The following ERI1 variants were observed in gnomAD, a reference collection of about 807,000 sequenced individuals.
ERI1 encodes the protein exoribonuclease 1.
ERI1 carries 39 observed loss-of-function variants against 39.7 expected under a neutral mutation model. The observed-to-expected ratio is 0.98, with a 90% CI of 0.76 to 1.28. The LOEUF (loss-of-function observed/expected upper bound fraction) is 1.28. ERI1 is among the 50% of genes most tolerant of loss of function. The pLI is 0.00. For missense variants in ERI1, 581 were observed against 416.9 expected, an observed-to-expected ratio of 1.39 and a Z score of -3.43; for synonymous variants, 204 against 149.6, an observed-to-expected ratio of 1.36 and a Z score of -2.65.
intron 3 of ERI1, among the ~76,000 whole-genome samples, chr8:9,054,087 T>G (rs1798437125): frequency 6.6e-6 from 1 of 152,228 alleles, no homozygotes; most frequent in Non-Finnish European, 1.5e-5. Context: ...TTGTGATTTA[T>G]TCTGCTGAAA....
In ERI1 at chr8:9,017,532, G is replaced by A. The variant is rs182102910; in HGVS notation, c.583-765G>A. Among the ~76,000 whole-genome samples the A allele has an allele frequency of 8.5e-5, 13 of 152,296 alleles. No individual in the cohort carries two copies. In the East Asian group the frequency reaches 2.5e-3, roughly 29 times the overall value. The stretch of plus-strand genomic sequence containing the variant: ...TGGTCACAGTAGGCCTAATAAGTCA[G>A]TGTTTTATTGCGGTGTTGTGGACAT... On this transcript the variant is annotated intron_variant, in intron 4 of 6. Transcript: ENST00000250263.
chr8:9,019,745 G>C (rs1167481902), intron 5 of ERI1, among the ~76,000 whole-genome samples: 1 of 152,142 alleles, frequency 6.6e-6, no homozygotes, highest in Non-Finnish European at 1.5e-5. Context: ...ATTATATCCT[G>C]TTCCCAGTAT....
chr8:9,022,540 C>T (rs755701673), intron 6 of ERI1, among the ~76,000 whole-genome samples: 4 of 152,200 alleles, frequency 2.6e-5, no homozygotes, highest in Admixed American at 6.5e-5. Context: ...GCTGGGACTA[C>T]GGGCGCCCAC....
At chr8:9,078,007 T>A (rs1371834496) in intron 3 of ERI1, among the ~76,000 whole-genome samples, 1 of 152,200 alleles carries the variant, frequency 6.6e-6, no homozygotes, top group Non-Finnish European at 1.5e-5. Context: ...CTTTTTCTTT[T>A]GAGACAGAGT....
chr8:9,083,166 G>A (rs533149067), intron 3 of ERI1, among the ~76,000 whole-genome samples: 26 of 152,262 alleles, frequency 1.7e-4, no homozygotes, highest in African/African-American at 6.3e-4. Context: ...TGTAACAAGT[G>A]GTCACTGTGC....
At chr8:9,095,728 C>CCA (rs1799856022) in intron 3 of ERI1, among the ~76,000 whole-genome samples, 1 of 151,994 alleles carries the variant, frequency 6.6e-6, no homozygotes, top group Non-Finnish European at 1.5e-5. Context: ...ACCATGTTGC[C>CCA]CACGCTGGCC....
At chr8:9,054,428 C>T (rs915079521) in intron 3 of ERI1, among the ~76,000 whole-genome samples, 8 of 152,082 alleles carry the variant, frequency 5.3e-5, no homozygotes, top group Non-Finnish European at 1.0e-4. Context: ...AGGATTGTAG[C>T]GACAGAAAGG....
rs1436129685 is a variant in ERI1, at chr8:9,030,734, CT to C, written c.*705del. On this transcript the variant is annotated 3_prime_UTR_variant, in exon 7 of 7. Transcript: ENST00000250263. ...TTCATAATACATAAATCACTGGGGT[CT>C]TTTTGGATTTGGTTGTTTGATTCGC... The C allele has an allele frequency of 6.6e-6, 1 of 152,000 alleles. No homozygotes were observed. The highest frequency in any genetic ancestry group is 1.5e-5 in the Non-Finnish European group (1 of 67,978). 9.4% of individuals were successfully genotyped at this position (152,000 alleles called of 1,614,324 possible).
chr8:9,012,329 C>A (rs2117205801), intron 3 of ERI1, among the ~76,000 whole-genome samples: 1 of 152,306 alleles, frequency 6.6e-6, no homozygotes. Context: ...CTTGTCAGTG[C>A]TTTATTAGTT....
At chr8:9,009,647 C>T (rs533695218) in intron 2 of ERI1, among the ~76,000 whole-genome samples, 12 of 152,190 alleles carry the variant, frequency 7.9e-5, no homozygotes, top group African/African-American at 2.9e-4. Flanking sequence ...TCAAGCGATT[C>T]TCGTGCCTCA....
chr8:9,018,386 A>G lies in ERI1; in HGVS notation c.672A>G (p.Lys224=). The change falls in exon 5 of 7, where the codon AAA becomes AAG. Residue 224 remains lysine (K), a synonymous_variant. Transcript: ENST00000250263. ...TGAAGGAATTAGGAACAAAGTATAA[A>G]TACTCACTTTTAACAGATGGGTAAG... ...MKLKELGTKY[K]YSLLTDGSWD... is the part of the protein sequence containing the mutation. 1 of 1,590,310 alleles carries G rather than the reference A, an allele frequency of 6.3e-7. No individual in the cohort carries two copies. Among genetic ancestry groups the G allele is most frequent in the Non-Finnish European group, 8.6e-7 (1 of 1,158,960 alleles).
chr8:9,014,434 G>C (rs1817012775), intron 3 of ERI1, among the ~76,000 whole-genome samples: 1 of 152,040 alleles, frequency 6.6e-6, no homozygotes, highest in Non-Finnish European at 1.5e-5. Context: ...ACTTTCCTTT[G>C]CTTGCTCAAG....
chr8:9,065,875 G>A (rs1798858149), intron 3 of ERI1, among the ~76,000 whole-genome samples: 2 of 152,258 alleles, frequency 1.3e-5, no homozygotes, highest in Admixed American at 6.5e-5. Flanking sequence ...GTGGTTTTGG[G>A]TGGGTGGTGG....
chr8:9,023,380 C>G (rs563205434), intron 6 of ERI1, among the ~76,000 whole-genome samples: 1 of 151,830 alleles, frequency 6.6e-6, no homozygotes, highest in African/African-American at 2.4e-5. Context: ...GCTACAACTC[C>G]CAGATGGAAT....
chr8:9,028,997 T>A (rs66958916), intron 6 of ERI1, among the ~76,000 whole-genome samples: 160 of 139,324 alleles, frequency 1.1e-3, no homozygotes, highest in African/African-American at 4.2e-3. Flanking sequence ...TTTTTTTTTT[T>A]AACTTATCAA....
Position 9,003,021 on chromosome 8 carries a change from A to C in ERI1, c.-43A>C. The C allele has an allele frequency of 8.6e-7, 1 of 1,161,018 alleles. No individual in the cohort carries two copies. The highest frequency in any genetic ancestry group is 1.1e-6 in the Non-Finnish European group (1 of 910,822). The allele number at this position is 1,161,018 out of a possible 1,614,324, so 71.9% of individuals were successfully genotyped here. A position where few individuals can be genotyped will look rare whatever the true frequency, so the allele number is the denominator to read the frequency against. On this transcript the variant is annotated 5_prime_UTR_variant, in exon 1 of 7. Transcript: ENST00000250263. ...CGGGCTCTGCAGAGTGAGAGTTAGC[A>C]AGTGTCCGGCTCCAGCAACTCTCCT... is the stretch of plus-strand genomic sequence containing the variant.
At chr8:9,083,879 C>A (rs916578704) in intron 3 of ERI1, among the ~76,000 whole-genome samples, 1 of 151,980 alleles carries the variant, frequency 6.6e-6, no homozygotes, top group Non-Finnish European at 1.5e-5. Context: ...CTGCAAACTC[C>A]GCCTCCTGGG....
chr8:9,069,642 A>G (rs1344356780), intron 3 of ERI1, among the ~76,000 whole-genome samples: 3 of 152,318 alleles, frequency 2.0e-5, no homozygotes, highest in South Asian at 4.1e-4. Context: ...CTTGCCACCT[A>G]AGTGACAAGA....
Position 9,020,360 on chromosome 8 carries a change from A to G in ERI1, c.703A>G (p.Met235Val), listed in dbSNP as rs1817748011. The change falls in exon 6 of 7, where the codon ATG (methionine) becomes GTG (valine). Residue 235 changes from methionine (M) to valine (V), a missense_variant. Transcript: ENST00000250263. ...TTTTTTAATTTATAGTTCTTGGGAT[A>G]TGAGTAAGTTCTTGAACATTCAGTG... Reference protein sequence around the residue: ...YSLLTDGSWDMSKFLNIQCQL... With the variant: ...YSLLTDGSWDVSKFLNIQCQL... The G allele has an allele frequency of 5.7e-6, 9 of 1,575,672 alleles. No homozygotes were observed. The highest frequency in any genetic ancestry group is 1.4e-5 in the African/African-American group (1 of 73,106).
Sources: allele counts gnomAD v4.1 joint callset (sites outside exome capture counted in the v4.1 genomes callset), GRCh38; gene constraint gnomAD v4.1.1; transcripts MANE v1.5; gene names NCBI Gene and HGNC (gene_info 2026-07-23, HGNC 2026-07-21).